NOL9: variants seen among roughly 807,000 people sequenced by gnomAD.
The protein encoded by NOL9 is nucleolar protein 9.
Under a neutral mutation model 67.9 loss-of-function variants are expected in NOL9, and 28 were observed. The ratio of observed to expected loss-of-function variants is 0.41; its 90% CI spans 0.31 to 0.57. The LOEUF (loss-of-function observed/expected upper bound fraction) is 0.57. Ranked by LOEUF, NOL9 falls within the 20% of genes least tolerant of loss-of-function variation. The pLI, the probability that NOL9 is intolerant of heterozygous loss-of-function variation, is 0.25. For missense variants in NOL9, 777 were observed against 897.0 expected (o/e 0.87, Z 1.71); for synonymous variants, 356 against 352.2 (o/e 1.01, Z -0.12).
chr1:6,529,301 A>C, intron 9 of NOL9, 130 bp from the exon 10 acceptor site: 1 of 827,038 alleles, frequency 1.2e-6, no homozygotes, highest in South Asian at 1.8e-5. Context: ...TCTCTAAAGA[A>C]TAAAAACAGC....
At chr1:6,540,397 C>T (rs1046444393) in intron 6 of NOL9, among the ~76,000 whole-genome samples, 1 of 152,068 alleles carries the variant, frequency 6.6e-6, no homozygotes, top group Non-Finnish European at 1.5e-5. Flanking sequence ...GCTGGGATTA[C>T]AGGCATGAGC....
At chr1:6,540,755 G>A (rs1639268235) in intron 6 of NOL9, 1 of 152,028 alleles carries the variant, frequency 6.6e-6, no homozygotes, top group Non-Finnish European at 1.5e-5. Flanking sequence ...GAACTCAGGA[G>A]GCGGGGGTTA....
chr1:6,544,693 G>C (rs548099221), intron 5 of NOL9, 133 bp downstream of exon 5: 23 of 853,850 alleles, frequency 2.7e-5, no homozygotes, highest in Admixed American at 1.4e-4. Flanking sequence ...AGGACCAGAT[G>C]CTTCAGCTGG....
intron 5 of NOL9, among the ~76,000 whole-genome samples, chr1:6,543,182 C>T (rs573934532): frequency 4.0e-5 from 6 of 148,744 alleles, no homozygotes; most frequent in African/African-American, 4.9e-5. Context: ...GCAGAAGCCA[C>T]GGTGCCCAGC....
chr1:6,551,549 A>C (rs1425204745), intron 1 of NOL9, among the ~76,000 whole-genome samples: 1 of 152,048 alleles, frequency 6.6e-6, no homozygotes, highest in African/African-American at 2.4e-5. Context: ...CAGTGAGCTG[A>C]GATCATGCCA....
chr1:6,541,885 T>C lies in NOL9; in HGVS notation c.1020A>G (p.Thr340=). Residue 340 remains threonine, a synonymous_variant, in exon 6 of 12, where the codon ACA becomes ACG. Transcript: ENST00000377705. ...AAATGCAACCAGGAGGGGTAAATTC[T>C]GTCTGTCCCAGATCACATTCCAAAT... ...VDYLECDLGQ[T]EFTPPGCISL... 1 of 1,609,368 alleles carries C rather than the reference T, an allele frequency of 6.2e-7. No homozygotes were observed. Among genetic ancestry groups the C allele is most frequent in the Non-Finnish European group, 8.5e-7 (1 of 1,178,146 alleles).
At position 6,538,952 on chromosome 1, in the gene NOL9, A is replaced by G. The variant is rs549868400; in HGVS notation, c.1075+2878T>C. Among the ~76,000 whole-genome samples, 67 of 152,368 alleles carry G rather than the reference A, an allele frequency of 4.4e-4. No individual in the cohort carries two copies. In the East Asian group the frequency reaches 8.7e-3, roughly 20 times the overall value. On this transcript the variant is annotated intron_variant, in intron 6 of 11. Coordinates refer to ENST00000377705, the MANE Select transcript of NOL9 (RefSeq NM_024654.5). ...ACGCCACTGCACCTCAGCCTGGGCG[A>G]AAGAGCAAGACTCTGTCTCAGAAAC...
intron 11 of NOL9, 30 bp from the exon 12 acceptor site, chr1:6,526,033 A>C: frequency 1.2e-6 from 2 of 1,606,916 alleles, no homozygotes; most frequent in Non-Finnish European, 8.5e-7. Flanking sequence ...AATGCATGGA[A>C]ACACTCCAGG....
intron 3 of NOL9, among the ~76,000 whole-genome samples, chr1:6,546,892 C>T (rs1380044350): frequency 2.0e-5 from 3 of 152,228 alleles, no homozygotes; most frequent in Non-Finnish European, 4.4e-5. Context: ...AGTCCCTCTC[C>T]GCCCAGGCTC....
intron 6 of NOL9, among the ~76,000 whole-genome samples, chr1:6,539,222 T>C (rs951419690): frequency 7.2e-5 from 11 of 152,204 alleles, no homozygotes; most frequent in African/African-American, 2.4e-4. Context: ...AAAATGCAGC[T>C]ACTGTGAAAA....
At chr1:6,533,890 C>CT (rs571588894) in intron 6 of NOL9, among the ~76,000 whole-genome samples, 3,491 of 141,664 alleles carry the variant, frequency 0.025, 112 homozygotes, top group African/African-American at 0.07. Context: ...AATTTTCTTT[C>CT]TTTTTTTTTT....
rs766359108 is a variant in NOL9 at position 6,526,015 on chromosome 1, A to C, written c.1960-12T>G. On this transcript the variant is annotated splice_polypyrimidine_tract_variant and intron_variant, in intron 11 of 11. Coordinates refer to ENST00000377705, the MANE Select transcript of NOL9 (RefSeq NM_024654.5). ...CCTTCGATCCCACGCTGAAACGGAAACACAGAGAATGCATGGAAACACTCC... is the reference window on the plus strand; with the variant it reads ...CCTTCGATCCCACGCTGAAACGGAACCACAGAGAATGCATGGAAACACTCC... 4.3e-5 allele frequency: 70 copies of C among 1,612,414 alleles called. No homozygotes were observed. Among genetic ancestry groups the C allele is most frequent in the Admixed American group, 1.5e-4 (9 of 59,978 alleles).
Position 6,524,232 on chromosome 1 carries a change from A to G in NOL9, c.*1622T>C, listed in dbSNP as rs1327731767. 2 of 132,228 alleles carry G rather than the reference A, an allele frequency of 1.5e-5. No homozygotes were observed. Among genetic ancestry groups the G allele is most frequent in the Non-Finnish European group, 3.2e-5 (2 of 62,726 alleles). 8.2% of individuals were successfully genotyped at this position (132,228 alleles called of 1,614,324 possible). Reference sequence around the variant, plus strand: ...GAGGGGCCACTGTAAAATACTAAAGACAATGATAACCAACAGTTGTATAAG... The same window carrying G: ...GAGGGGCCACTGTAAAATACTAAAGGCAATGATAACCAACAGTTGTATAAG... On this transcript the variant is annotated 3_prime_UTR_variant, in exon 12 of 12. Coordinates refer to ENST00000377705, the MANE Select transcript of NOL9 (RefSeq NM_024654.5).
chr1:6,529,328 C>A (rs1268228459), intron 9 of NOL9, among the ~76,000 whole-genome samples, 157 bp from the exon 10 acceptor site: 4 of 152,194 alleles, frequency 2.6e-5, no homozygotes, highest in Non-Finnish European at 5.9e-5. Context: ...CAGTGGCTCA[C>A]GCATGTAATC....
intron 6 of NOL9, among the ~76,000 whole-genome samples, chr1:6,541,174 C>T (rs1423537480): frequency 6.6e-6 from 1 of 152,018 alleles, no homozygotes; most frequent in Non-Finnish European, 1.5e-5. Flanking sequence ...TGCCACCAAA[C>T]CCAGCTAATT....
At chr1:6,548,473 C>T in intron 3 of NOL9, 1 of 233,908 alleles carries the variant, frequency 4.3e-6, no homozygotes, top group Non-Finnish European at 8.9e-6. Context: ...AAGAGATTGT[C>T]CAAAACAAAA....
Position 6,554,279 on chromosome 1 carries a change from G to A in NOL9, c.224C>T (p.Ala75Val), listed in dbSNP as rs1639617313. 15 of 1,472,948 alleles carry A rather than the reference G, an allele frequency of 1.0e-5. No individual in the cohort carries two copies. The highest frequency in any genetic ancestry group is 1.3e-5 in the Non-Finnish European group (15 of 1,114,658). 91.2% of individuals were successfully genotyped at this position (1,472,948 alleles called of 1,614,324 possible). A position where few individuals can be genotyped will look rare whatever the true frequency, so the allele number is the denominator to read the frequency against. ...GARQVSRAAA[A>V]RRPNTATPSP... ...GGGGGTCGCGGTGTTGGGTCTCCGG[G>A]CCGCCGCCGCGCGCGACACCTGGCG... The change falls in exon 1 of 12, where the codon GCC becomes GTC. Residue 75 changes from alanine (A) to valine (V), a missense_variant. Ala to Val is a moderately conservative substitution (Grantham distance 64). Around this residue, in one of 2 missense-constraint regions of NOL9, gnomAD observed 364 missense variants for 344.4 expected, o/e 1.06. Transcript: ENST00000377705.
In NOL9 at chr1:6,545,135, C is replaced by G; in HGVS notation, c.790G>C (p.Val264Leu). 6.2e-7 allele frequency: 1 copy of G among 1,614,112 alleles called. No individual in the cohort carries two copies. The highest frequency in any genetic ancestry group is 1.1e-5 in the South Asian group (1 of 91,076). Residue 264 changes from valine to leucine, a missense_variant, in exon 4 of 12, where the codon GTT (valine) becomes CTT (leucine). Transcript: ENST00000377705. ...CTTTTTTTCTCTCTTCTGATGCCAA[C>G]AGACCTCAAGGCTAAATATTCAGGT... ...IKPEYLALRS[V>L]GIRREKKRKG...
At chr1:6,526,479 G>A (rs1488155213) in intron 11 of NOL9, among the ~76,000 whole-genome samples, 5 of 152,198 alleles carry the variant, frequency 3.3e-5, no homozygotes, top group Non-Finnish European at 7.3e-5. Flanking sequence ...ACGGGTTGCA[G>A]TGAGCCCAGA....
Sources: allele counts gnomAD v4.1 joint callset (sites outside exome capture counted in the v4.1 genomes callset), GRCh38; gene constraint gnomAD v4.1.1; regional missense constraint gnomAD v4.1.1; transcripts MANE v1.5; gene names NCBI Gene and HGNC (gene_info 2026-07-23, HGNC 2026-07-21).